RACGAP1: variants seen among roughly 807,000 people sequenced by gnomAD.
RACGAP1 encodes the protein rac GTPase-activating protein 1.
RACGAP1 carries 30 observed loss-of-function variants against 78.1 expected under a neutral mutation model. The ratio of observed to expected loss-of-function variants is 0.38; its 90% CI spans 0.29 to 0.52. The LOEUF (loss-of-function observed/expected upper bound fraction) is 0.52, where lower values mean the gene tolerates loss of function less well. Ranked by LOEUF, RACGAP1 falls within the 20% of genes least tolerant of loss-of-function variation. RACGAP1 has a pLI of 0.82. For synonymous variants in RACGAP1, 231 were observed against 264.8 expected, an observed-to-expected ratio of 0.87 and a Z score of 1.24; for missense variants, 587 against 777.1, an observed-to-expected ratio of 0.76 and a Z score of 2.91.
chr12:50,017,878 T>C (rs1286587402), intron 1 of RACGAP1, among the ~76,000 whole-genome samples: 1 of 152,134 alleles, frequency 6.6e-6, no homozygotes, highest in East Asian at 1.9e-4. Context: ...GAACATAGGC[T>C]GGGCACGGCA....
Position 50,005,340 on chromosome 12 carries a change from C to A in RACGAP1, c.341G>T (p.Ser114Ile), listed in dbSNP as rs147242355. Residue 114 changes from serine (S) to isoleucine (I), a missense_variant, in exon 4 of 17, where the codon AGC (serine) becomes ATC (isoleucine). Ser to Ile is a moderately radical substitution (Grantham distance 142, BLOSUM62 -2). Coordinates refer to ENST00000312377, the MANE Select transcript of RACGAP1 (RefSeq NM_001319999.2). ...REMLMCDTSG[S>I]IQLSEEQKSA... ...TTTTTGCTCCTCGCTTAGTTGAATG[C>A]TGCCAGATGTGTCACACATGAGCAT... 64 of 1,614,220 alleles carry A rather than the reference C, an allele frequency of 4.0e-5. No individual in the cohort carries two copies. Among genetic ancestry groups the A allele is most frequent in the Non-Finnish European group, 5.4e-5 (64 of 1,180,036 alleles).
chr12:50,014,781 A>AC (rs1949558386), intron 2 of RACGAP1, among the ~76,000 whole-genome samples: 2 of 151,166 alleles, frequency 1.3e-5, no homozygotes, highest in Non-Finnish European at 2.9e-5. Context: ...AGGTGCTCAT[A>AC]CCTGTAATCC....
At chr12:50,006,199 CTGTT>C (rs1229382354) in intron 3 of RACGAP1, among the ~76,000 whole-genome samples, 1 of 152,182 alleles carries the variant, frequency 6.6e-6, no homozygotes, top group Admixed American at 6.5e-5. Context: ...TGAAATCTGT[CTGTT>C]AAGTAAGTTT....
intron 1 of RACGAP1, chr12:50,018,594 G>C (rs1443212090): frequency 2.3e-6 from 3 of 1,283,992 alleles, no homozygotes; most frequent in South Asian, 2.5e-5. Flanking sequence ...GCTCTCCTGA[G>C]GTAAAAATGG....
At chr12:50,004,488 G>T (rs935769428) in intron 4 of RACGAP1, among the ~76,000 whole-genome samples, 184 bp from the exon 5 acceptor site, 11 of 152,202 alleles carry the variant, frequency 7.2e-5, no homozygotes, top group Admixed American at 7.2e-4. Context: ...CCACGGAGGA[G>T]TGTGTGTGCA....
At chr12:49,997,276 T>C in intron 9 of RACGAP1, 72 bp from the exon 10 acceptor site, 2 of 1,238,060 alleles carry the variant, frequency 1.6e-6, no homozygotes, top group Non-Finnish European at 2.1e-6. Flanking sequence ...AACTAACTTT[T>C]TTTTTTTTTT....
intron 12 of RACGAP1, 138 bp downstream of exon 12, chr12:49,993,993 T>G: frequency 1.2e-6 from 1 of 820,936 alleles, no homozygotes; most frequent in Non-Finnish European, 1.8e-6. Flanking sequence ...TGCAGTGAGC[T>G]GAGATTGCGC....
chr12:50,031,006 G>C (rs1168084912), intron 2 of RACGAP1, among the ~76,000 whole-genome samples: 1 of 151,328 alleles, frequency 6.6e-6, no homozygotes, highest in Non-Finnish European at 1.5e-5. Context: ...TCTCAAACTG[G>C]TGACCTCAGG....
rs1255343882 is a variant in RACGAP1, at chr12:50,004,294, T to C, written c.436A>G (p.Ile146Val). The C allele has an allele frequency of 6.2e-7, 1 of 1,604,518 alleles. No homozygotes were observed. Among genetic ancestry groups the C allele is most frequent in the Non-Finnish European group, 8.5e-7 (1 of 1,172,456 alleles). ...GATAAAATGGAACCAGATTCATCAATGGTTGATAGTCTAGATCAGTGAAAC... is the reference window on the plus strand; with the variant it reads ...GATAAAATGGAACCAGATTCATCAACGGTTGATAGTCTAGATCAGTGAAAC... ...SNAGNKRLST[I>V]DESGSILSDI... The change falls in exon 5 of 17, where the codon ATT becomes GTT. Residue 146 changes from isoleucine to valine, a missense_variant. Transcript: ENST00000312377.
At chr12:49,992,435 TATAA>T in intron 13 of RACGAP1, 58 bp from the exon 14 acceptor site, 1 of 1,590,142 alleles carries the variant, frequency 6.3e-7, no homozygotes, top group Non-Finnish European at 8.6e-7. Flanking sequence ...CAGACCAAAA[TATAA>T]ATTCTATAAG....
chr12:50,018,982 T>C (rs1269702560), intron 1 of RACGAP1, among the ~76,000 whole-genome samples: 3 of 152,024 alleles, frequency 2.0e-5, no homozygotes, highest in Admixed American at 2.0e-4. Flanking sequence ...TGTTCTACTC[T>C]TCCTGTTCAT....
At position 49,990,802 on chromosome 12, in the gene RACGAP1, T is replaced by G; in HGVS notation, c.1715-10A>C. 2 of 1,600,468 alleles carry G rather than the reference T, an allele frequency of 1.2e-6. No individual in the cohort carries two copies. Among genetic ancestry groups the G allele is most frequent in the Non-Finnish European group, 1.7e-6 (2 of 1,168,872 alleles). On this transcript the variant is annotated splice_polypyrimidine_tract_variant and intron_variant, in intron 15 of 16. Transcript: ENST00000312377. ...GGTCCCAGTAAACTCACTTCAAAGT[T>G]CAGACATATTTTTAAGAGAGGTGGG...
At chr12:49,992,731 A>G (rs1324384212) in intron 12 of RACGAP1, 76 bp from the exon 13 acceptor site, 3 of 1,107,716 alleles carry the variant, frequency 2.7e-6, no homozygotes, top group Non-Finnish European at 2.7e-6. Flanking sequence ...ATCGACCACA[A>G]AGTCTCATCT....
At chr12:49,990,598 A>G in intron 16 of RACGAP1, 86 bp downstream of exon 16, 1 of 1,129,528 alleles carries the variant, frequency 8.9e-7, no homozygotes, top group Middle Eastern at 2.9e-4. Flanking sequence ...AATCGAATGC[A>G]ATTTTTCTTT....
chr12:50,021,238 A>T (rs1949989594), intron 1 of RACGAP1: 4 of 482,308 alleles, frequency 8.3e-6, no homozygotes, highest in South Asian at 8.9e-5. Context: ...GCAGCTGTAA[A>T]ACAGCTGTCA....
chr12:50,025,200 C>T, intron 1 of RACGAP1, 198 bp downstream of exon 1: 1 of 659,872 alleles, frequency 1.5e-6, no homozygotes. Flanking sequence ...AAGCCCCCGA[C>T]CCTCCCAGGC....
In RACGAP1 at chr12:49,991,913, C is replaced by T; in HGVS notation, c.1714+85G>A. The T allele has an allele frequency of 2.6e-6, 4 of 1,550,238 alleles. No individual in the cohort carries two copies. In the South Asian group the frequency reaches 3.7e-5, roughly 14 times the overall value. ...TTCCTTTAATGTTAGAATTTTCAAA[C>T]AGCTCTAGCAAAGGCAGGAAGAGGT... On this transcript the variant is annotated intron_variant, in intron 15 of 16. Transcript: ENST00000312377.
At chr12:49,999,020 T>G (rs957516905) in intron 9 of RACGAP1, 121 bp downstream of exon 9, 32 of 1,229,122 alleles carry the variant, frequency 2.6e-5, no homozygotes, top group Non-Finnish European at 3.5e-5. Flanking sequence ...GAGAGTAAAA[T>G]TGGAATGAGG....
At chr12:50,003,438 C>G (rs1199178949) in intron 5 of RACGAP1, among the ~76,000 whole-genome samples, 3 of 152,158 alleles carry the variant, frequency 2.0e-5, no homozygotes, top group Non-Finnish European at 4.4e-5. Context: ...ATATTTTTAT[C>G]TATAAAATGG....
Sources: gnomAD v4.1 joint callset for allele counts (sites outside exome capture counted in the v4.1 genomes callset) on GRCh38, gnomAD v4.1.1 for gene constraint, MANE v1.5 for transcripts, NCBI Gene and HGNC (gene_info 2026-07-23, HGNC 2026-07-21) for gene names.